Variants in PAN3 observed in about 807,000 individuals in gnomAD.
PAN3 encodes poly(A) specific ribonuclease subunit PAN3.
PAN3 carries 19 observed loss-of-function variants against 96.2 expected under a neutral mutation model. That is an observed-to-expected ratio of 0.20 (90% CI 0.14 to 0.29). The LOEUF (loss-of-function observed/expected upper bound fraction) is 0.29, where lower values mean the gene tolerates loss of function less well. PAN3 is among the 10% of genes least tolerant of loss of function. The pLI is 1.00. For missense variants in PAN3, 882 were observed against 1,108.1 expected, an observed-to-expected ratio of 0.80 and a Z score of 2.90; for synonymous variants, 433 against 406.6, an observed-to-expected ratio of 1.06 and a Z score of -0.78.
intron 5 of PAN3, chr13:28,214,451 T>A (rs1325271929): frequency 4.6e-6 from 1 of 218,666 alleles, no homozygotes; most frequent in Non-Finnish European, 9.0e-6. Context: ...AAGAACCCAA[T>A]CAACTTTTTT....
chr13:28,260,145 C>T (rs1013934243), intron 7 of PAN3, among the ~76,000 whole-genome samples: 3 of 151,914 alleles, frequency 2.0e-5, no homozygotes, highest in Admixed American at 2.0e-4. Context: ...ACCTGTAATC[C>T]CAGCACTTTG....
intron 1 of PAN3, among the ~76,000 whole-genome samples, chr13:28,164,133 TATTAAATTC>T (rs1432693452): frequency 6.6e-6 from 1 of 152,214 alleles, no homozygotes; most frequent in Non-Finnish European, 1.5e-5. Flanking sequence ...ATTTACATGC[TATTAAATTC>T]ACCTATTATA....
intron 6 of PAN3, among the ~76,000 whole-genome samples, chr13:28,235,286 T>C (rs1882975176): frequency 6.6e-6 from 1 of 152,220 alleles, no homozygotes; most frequent in African/African-American, 2.4e-5. Flanking sequence ...ACCATTATTT[T>C]CCATCCTCTT....
rs73446958 is a variant in PAN3 at position 28,228,014 on chromosome 13, C to T, written c.1000+7636C>T. On this transcript the variant is annotated intron_variant, in intron 6 of 18. Transcript: ENST00000380958. ...TAGCTGAACGTGGAGAGTTAGATGT[C>T]GATCTTCCTTCCACCTTCTTCTTTA... 9.0e-3 allele frequency among the ~76,000 whole-genome samples: 1,371 copies of T among 152,286 alleles called. 22 individuals are homozygous for T. The highest frequency in any genetic ancestry group is 0.031 in the African/African-American group (1,302 of 41,548).
chr13:28,215,782 C>T (rs1321019850), intron 5 of PAN3: 3 of 1,429,036 alleles, frequency 2.1e-6, no homozygotes, highest in East Asian at 2.3e-5. Flanking sequence ...AGTTGTTTTG[C>T]TGTTGGTGAT....
chr13:28,170,011 C>T (rs892556378), intron 1 of PAN3, among the ~76,000 whole-genome samples: 10 of 152,220 alleles, frequency 6.6e-5, no homozygotes, highest in Admixed American at 6.5e-4. Flanking sequence ...CACACCACTG[C>T]ACTCTAGCCT....
intron 6 of PAN3, among the ~76,000 whole-genome samples, chr13:28,247,689 TC>T (rs1161862959): frequency 6.6e-6 from 1 of 152,210 alleles, no homozygotes; most frequent in Non-Finnish European, 1.5e-5. Flanking sequence ...GGCCATCTTT[TC>T]CCCAATAGGT....
chr13:28,245,975 G>T (rs1043716358), intron 6 of PAN3, among the ~76,000 whole-genome samples: 1 of 152,094 alleles, frequency 6.6e-6, no homozygotes. Context: ...ATGCTACTAT[G>T]AGCATTCATG....
chr13:28,280,652 C>G, intron 16 of PAN3, 111 bp downstream of exon 16: 1 of 1,032,964 alleles, frequency 9.7e-7, no homozygotes, highest in Non-Finnish European at 1.3e-6. Context: ...ACCTCTGCCT[C>G]CTGGGTTCAA....
intron 6 of PAN3, among the ~76,000 whole-genome samples, chr13:28,246,810 C>T (rs1426845053): frequency 6.6e-6 from 1 of 152,028 alleles, no homozygotes. Context: ...ACCACATTTT[C>T]TTCATTCATC....
chr13:28,200,966 A>G (rs1270594769), intron 5 of PAN3, among the ~76,000 whole-genome samples: 1 of 152,140 alleles, frequency 6.6e-6, no homozygotes, highest in Non-Finnish European at 1.5e-5. Flanking sequence ...ATAATTGCCA[A>G]ATCCAGCAGT....
chr13:28,168,950 T>A (rs1873931413), intron 1 of PAN3, among the ~76,000 whole-genome samples: 1 of 149,424 alleles, frequency 6.7e-6, no homozygotes, highest in South Asian at 2.1e-4. Flanking sequence ...CCCGGGAGGT[T>A]GAACTTGCAG....
chr13:28,176,688 T>G, intron 3 of PAN3, 129 bp downstream of exon 3: 1 of 890,668 alleles, frequency 1.1e-6, no homozygotes, highest in South Asian at 1.6e-5. Context: ...AATTATTATC[T>G]TCCCACTCAG....
intron 1 of PAN3, among the ~76,000 whole-genome samples, chr13:28,155,575 T>G (rs1872033471): frequency 6.6e-6 from 1 of 151,786 alleles, no homozygotes; most frequent in African/African-American, 2.4e-5. Context: ...GGCAACAGAG[T>G]GAGACTCCAT....
In PAN3 at chr13:28,267,076, T is replaced by C; in HGVS notation, c.1574-19T>C. ...AGACGTCAATTAGAGTTTACTGGAG[T>C]AGAAAAATTGTCTTCCAGGTTTTCG... On this transcript the variant is annotated intron_variant, in intron 10 of 18. Transcript: ENST00000380958. 6.4e-7 allele frequency: 1 copy of C among 1,573,596 alleles called. No individual in the cohort carries two copies. The highest frequency in any genetic ancestry group is 8.7e-7 in the Non-Finnish European group (1 of 1,153,356).
intron 4 of PAN3, among the ~76,000 whole-genome samples, chr13:28,181,339 T>C (rs1187445625): frequency 1.3e-5 from 2 of 151,798 alleles, no homozygotes; most frequent in Non-Finnish European, 2.9e-5. Context: ...TGAGACCTGG[T>C]CTCTACTAAA....
At chr13:28,209,349 C>A (rs1224674557) in intron 5 of PAN3, among the ~76,000 whole-genome samples, 1 of 152,256 alleles carries the variant, frequency 6.6e-6, no homozygotes, top group Non-Finnish European at 1.5e-5. Flanking sequence ...CATGTTTTTA[C>A]ACACCTGCGT....
At chr13:28,287,684 A>C (rs1869154847) in intron 17 of PAN3, among the ~76,000 whole-genome samples, 1 of 152,098 alleles carries the variant, frequency 6.6e-6, no homozygotes, top group Non-Finnish European at 1.5e-5. Flanking sequence ...AAGAGAAGAG[A>C]AGATATTTAA....
At chr13:28,277,923 G>A (rs989129078) in intron 15 of PAN3, among the ~76,000 whole-genome samples, 12 of 152,298 alleles carry the variant, frequency 7.9e-5, no homozygotes, top group African/African-American at 2.6e-4. Flanking sequence ...GTATCTTAAC[G>A]CTCCAGAGAA....
Sources: allele counts gnomAD v4.1 joint callset (sites outside exome capture counted in the v4.1 genomes callset), GRCh38; gene constraint gnomAD v4.1.1; transcripts MANE v1.5; gene names NCBI Gene and HGNC (gene_info 2026-07-23, HGNC 2026-07-21).